The following ATAD2B variants were observed in gnomAD, a reference collection of about 807,000 sequenced individuals.
The protein encoded by ATAD2B is ATPase family AAA domain containing 2B.
Under a neutral mutation model 167.6 loss-of-function variants are expected in ATAD2B, and 40 were observed. The observed-to-expected ratio is 0.24, with a 90% CI of 0.19 to 0.31. The LOEUF is 0.31. Ranked by LOEUF, ATAD2B falls within the 10% of genes least tolerant of loss-of-function variation. ATAD2B has a pLI of 1.00. For missense variants in ATAD2B, 1,242 were observed against 1,757.2 expected (o/e 0.71, Z 5.24); for synonymous variants, 579 against 596.5 (o/e 0.97, Z 0.43).
chr2:23,679,967 G>C, the ATAD2B span, among the ~76,000 whole-genome samples: 18 of 152,312 alleles, frequency 1.2e-4, no homozygotes, highest in Non-Finnish European at 1.0e-4. Flanking sequence ...GGGGAGCAAA[G>C]GGTCCCCTGG....
chr2:23,757,628 G>A lies in ATAD2B; in HGVS notation c.3868C>T (p.Leu1290Phe), dbSNP rs369536001. Reference sequence around the variant, plus strand: ...CTATCACAGAAAGAAACTACTTCAAGCTTGCCATTCTGACATTCCAGAACT... The same window carrying A: ...CTATCACAGAAAGAAACTACTTCAAACTTGCCATTCTGACATTCCAGAACT... Reference protein sequence around the residue: ...IPVLECQNGKLEVVSFCDSGD... With the variant: ...IPVLECQNGKFEVVSFCDSGD... The change falls in exon 25 of 28, where the codon CTT (leucine) becomes TTT (phenylalanine). Residue 1290 changes from leucine to phenylalanine, a missense_variant. By Grantham distance (22) the Leu-to-Phe change is conservative. Transcript: ENST00000238789. 2.5e-6 allele frequency: 4 copies of A among 1,613,712 alleles called. No individual in the cohort carries two copies. The highest frequency in any genetic ancestry group is 1.3e-5 in the African/African-American group (1 of 74,918).
chr2:23,902,430 A>C (rs1291748747), intron 1 of ATAD2B, among the ~76,000 whole-genome samples: 3 of 152,192 alleles, frequency 2.0e-5, no homozygotes, highest in African/African-American at 7.2e-5. Flanking sequence ...AATTAACTTC[A>C]AGCTTTGGGA....
intron 19 of ATAD2B, among the ~76,000 whole-genome samples, chr2:23,789,914 GC>G (rs1681396418): frequency 6.6e-6 from 1 of 152,126 alleles, no homozygotes. Flanking sequence ...GCCTTTTCCA[GC>G]TCTGAAATTC....
In ATAD2B at chr2:23,920,834, T is replaced by C. The variant is rs546241896; in HGVS notation, c.216+5721A>G. 2.6e-5 allele frequency among the ~76,000 whole-genome samples: 4 copies of C among 152,306 alleles called. No homozygotes were observed. In the East Asian group the frequency reaches 5.8e-4, roughly 22 times the overall value. ...TTTTTACTCAGTAACTCATTGTTCATAGACTCCCCCTCCAGAGAGGAGGCA... is the reference window on the plus strand; with the variant it reads ...TTTTTACTCAGTAACTCATTGTTCACAGACTCCCCCTCCAGAGAGGAGGCA... On this transcript the variant is annotated intron_variant, in intron 1 of 27. Coordinates refer to ENST00000238789, the MANE Select transcript of ATAD2B (RefSeq NM_017552.4).
chr2:23,908,077 T>C (rs1350775897), intron 1 of ATAD2B, among the ~76,000 whole-genome samples: 5 of 152,114 alleles, frequency 3.3e-5, no homozygotes, highest in African/African-American at 7.2e-5. Flanking sequence ...ACATAGGCAA[T>C]GGGCAAGGAC....
At chr2:23,854,395 T>C (rs1380924540) in intron 13 of ATAD2B, among the ~76,000 whole-genome samples, 1 of 150,996 alleles carries the variant, frequency 6.6e-6, no homozygotes, top group Non-Finnish European at 1.5e-5. Context: ...GAGCTAACAC[T>C]GGCTGGGAAC....
chr2:23,917,484 GCAATAAAC>G (rs1703208445), intron 1 of ATAD2B, among the ~76,000 whole-genome samples: 2 of 152,078 alleles, frequency 1.3e-5, no homozygotes, highest in Admixed American at 1.3e-4. Context: ...GTTTCCCACA[GCAATAAAC>G]GCAAATGTAT....
chr2:23,738,995 A>G, the ATAD2B span, among the ~76,000 whole-genome samples: 4 of 152,330 alleles, frequency 2.6e-5, no homozygotes, highest in East Asian at 1.9e-4. Context: ...AACAAGAAGA[A>G]CTAACTATCC....
chr2:23,774,951 C>T (rs893510401), intron 22 of ATAD2B, among the ~76,000 whole-genome samples: 1 of 152,070 alleles, frequency 6.6e-6, no homozygotes, highest in Non-Finnish European at 1.5e-5. Flanking sequence ...AAAATTTACT[C>T]ATCGGCCACA....
intron 19 of ATAD2B, among the ~76,000 whole-genome samples, chr2:23,795,468 T>C (rs1682452491): frequency 6.6e-6 from 1 of 152,178 alleles, no homozygotes; most frequent in Admixed American, 6.5e-5. Flanking sequence ...TCCATAGATC[T>C]GGCAACTTGC....
chr2:23,814,006 T>A (rs1686037943), intron 17 of ATAD2B, among the ~76,000 whole-genome samples: 1 of 152,088 alleles, frequency 6.6e-6, no homozygotes, highest in African/African-American at 2.4e-5. Context: ...TAATCCCAGC[T>A]ACTTGGGAGG....
At chr2:23,821,888 A>G (rs967020276) in intron 16 of ATAD2B, among the ~76,000 whole-genome samples, 6 of 152,150 alleles carry the variant, frequency 3.9e-5, no homozygotes, top group Non-Finnish European at 8.8e-5. Context: ...TCCTGACCTC[A>G]GGTGATCCAC....
chr2:23,746,295 A>C (rs552384919), downstream of ATAD2B, among the ~76,000 whole-genome samples: 1 of 152,322 alleles, frequency 6.6e-6, no homozygotes, highest in Admixed American at 6.5e-5. Flanking sequence ...TGTGACCTTG[A>C]GCAAATTAAT....
chr2:23,704,506 C>T, the ATAD2B span, among the ~76,000 whole-genome samples: 1 of 152,238 alleles, frequency 6.6e-6, no homozygotes, highest in Non-Finnish European at 1.5e-5. Context: ...GTGGCTCACA[C>T]CTGTAATCCC....
At chr2:23,877,602 G>T (rs1697097848) in intron 7 of ATAD2B, among the ~76,000 whole-genome samples, 1 of 148,640 alleles carries the variant, frequency 6.7e-6, no homozygotes, top group Non-Finnish European at 1.5e-5. Flanking sequence ...CGGGCACTGT[G>T]GCTCACAACT....
chr2:23,904,922 G>A (rs887079710), intron 1 of ATAD2B, among the ~76,000 whole-genome samples: 1 of 152,002 alleles, frequency 6.6e-6, no homozygotes, highest in South Asian at 2.1e-4. Context: ...TTTATTTAGG[G>A]CCAACACTAT....
chr2:23,757,426 T>G lies in ATAD2B; in HGVS notation c.4070A>C (p.Asp1357Ala). ...SDVEVKDAELDKEGASKVKKY... is the reference protein window; with the variant it reads ...SDVEVKDAELAKEGASKVKKY... ...TCAAATATTAGCTCTACCTTCTTTA[T>G]CCAGTTCTGCATCTTTAACCTCCAC... Residue 1357 changes from aspartate to alanine, a missense_variant, in exon 25 of 28, where the codon GAT (aspartate) becomes GCT (alanine). Asp to Ala is a moderately radical substitution (Grantham distance 126). Coordinates refer to ENST00000238789, the MANE Select transcript of ATAD2B (RefSeq NM_017552.4). 7 of 1,491,922 alleles carry G rather than the reference T, an allele frequency of 4.7e-6. No individual in the cohort carries two copies. The highest frequency in any genetic ancestry group is 6.2e-6 in the Non-Finnish European group (7 of 1,124,432). 92.4% of individuals were successfully genotyped at this position (1,491,922 alleles called of 1,614,324 possible).
chr2:23,880,560 C>T, intron 7 of ATAD2B, 79 bp downstream of exon 7: 1 of 783,008 alleles, frequency 1.3e-6, no homozygotes, highest in Non-Finnish European at 2.1e-6. Flanking sequence ...GAGACTCTGT[C>T]TCAAAAAAAA....
At chr2:23,813,984 C>A (rs550309303) in intron 17 of ATAD2B, among the ~76,000 whole-genome samples, 1 of 152,004 alleles carries the variant, frequency 6.6e-6, no homozygotes, top group Admixed American at 6.6e-5. Context: ...AGGGCACGGT[C>A]GAACATGCCT....
Sources: gnomAD v4.1 joint callset for allele counts (sites outside exome capture counted in the v4.1 genomes callset) on GRCh38, gnomAD v4.1.1 for gene constraint, MANE v1.5 for transcripts, NCBI Gene and HGNC (gene_info 2026-07-23, HGNC 2026-07-21) for gene names.